The following NUCKS1 variants were observed in gnomAD, a reference collection of about 807,000 sequenced individuals.
NUCKS1 encodes nuclear ubiquitous casein and cyclin-dependent kinase substrate 1.
Under a neutral mutation model 33.0 loss-of-function variants are expected in NUCKS1, and 2 were observed. The observed-to-expected ratio is 0.06, with a 90% confidence interval of 0.02 to 0.19. The LOEUF is 0.19. NUCKS1 is among the 10% of genes least tolerant of loss of function. NUCKS1 has a pLI of 1.00. For synonymous variants in NUCKS1, 106 were observed against 102.8 expected, an observed-to-expected ratio of 1.03 and a Z score of -0.19; for missense variants, 201 against 293.6, an observed-to-expected ratio of 0.68 and a Z score of 2.31.
intron 1 of NUCKS1, among the ~76,000 whole-genome samples, chr1:205,736,396 G>A (rs1261487583): frequency 6.6e-6 from 1 of 152,114 alleles, no homozygotes; most frequent in African/African-American, 2.4e-5. Context: ...GTGGTGCTGA[G>A]AGTATTATAT....
At chr1:205,738,003 C>T (rs1296874456) in intron 1 of NUCKS1, among the ~76,000 whole-genome samples, 1 of 152,102 alleles carries the variant, frequency 6.6e-6, no homozygotes, top group African/African-American at 2.4e-5. Flanking sequence ...ACTTTACCTC[C>T]AAAATTATAT....
At position 205,732,566 on chromosome 1, in the gene NUCKS1, A is replaced by C. The variant is rs535816169; in HGVS notation, c.18-2945T>G. On this transcript the variant is annotated intron_variant, in intron 1 of 6. Transcript: ENST00000367142. ...GGGAGGCCAAGGTGGGCGGATCATGAGGTCAAAAGATCGAGACCATCCTGG... is the reference window on the plus strand; with the variant it reads ...GGGAGGCCAAGGTGGGCGGATCATGCGGTCAAAAGATCGAGACCATCCTGG... Among the ~76,000 whole-genome samples the C allele has an allele frequency of 2.0e-5, 3 of 152,196 alleles. No homozygotes were observed. The East Asian group carries it at 5.8e-4, about 29-fold the overall frequency.
At chr1:205,743,051 A>G (rs1050248548) in intron 1 of NUCKS1, among the ~76,000 whole-genome samples, 2 of 152,176 alleles carry the variant, frequency 1.3e-5, no homozygotes, top group African/African-American at 2.4e-5. Flanking sequence ...CAAAGTTTGC[A>G]AAGTAACCCA....
chr1:205,737,157 G>A (rs1377563380), intron 1 of NUCKS1, among the ~76,000 whole-genome samples: 5 of 152,084 alleles, frequency 3.3e-5, no homozygotes, highest in Admixed American at 3.3e-4. Flanking sequence ...TAAAAAGATG[G>A]GGAATGGGGA....
At chr1:205,733,920 A>C (rs1008169769) in intron 1 of NUCKS1, among the ~76,000 whole-genome samples, 1 of 152,186 alleles carries the variant, frequency 6.6e-6, no homozygotes, top group Non-Finnish European at 1.5e-5. Flanking sequence ...TCTGTCATCC[A>C]GGCTGGAGTG....
intron 1 of NUCKS1, among the ~76,000 whole-genome samples, chr1:205,740,022 A>G (rs2102445201): frequency 7.1e-5 from 2 of 28,120 alleles, no homozygotes; most frequent in Admixed American, 5.4e-4. Flanking sequence ...TTTTTTTGAG[A>G]GACAGTGTCT....
Position 205,720,504 on chromosome 1 carries a change from C to T in NUCKS1, c.379G>A (p.Glu127Lys). ...TACACAAAACAACTTCACATACTCT[C>T]CTGGAATGGTGCCTCATCCTCCTCT... ...QEEEDEAPFQ[E>K]KDSGSDEDFL... Residue 127 changes from glutamate to lysine, a missense_variant, in exon 5 of 7, where the codon GAG (glutamate) becomes AAG (lysine). Transcript: ENST00000367142. The T allele has an allele frequency of 1.2e-6, 2 of 1,613,320 alleles. No individual in the cohort carries two copies. Among genetic ancestry groups the T allele is most frequent in the East Asian group, 2.2e-5 (1 of 44,872 alleles).
chr1:205,713,772 A>C lies in NUCKS1; in HGVS notation c.*4508T>G, dbSNP rs1671780419. On this transcript the variant is annotated 3_prime_UTR_variant, in exon 7 of 7. Transcript: ENST00000367142. ...ATGTATCTAGCAACATTGCAGTATG[A>C]AGAAAAGAGATGCCCCGGTCTCAGC... 1 of 152,232 alleles carries C rather than the reference A, an allele frequency of 6.6e-6. No homozygotes were observed. Among genetic ancestry groups the C allele is most frequent in the Admixed American group, 6.5e-5 (1 of 15,280 alleles). The allele number at this position is 152,232 out of a possible 1,614,324, so 9.4% of individuals were successfully genotyped here. A position where few individuals can be genotyped will look rare whatever the true frequency, so the allele number is the denominator to read the frequency against.
At chr1:205,746,632 T>C (rs991771018) in intron 1 of NUCKS1, among the ~76,000 whole-genome samples, 2 of 152,166 alleles carry the variant, frequency 1.3e-5, no homozygotes, top group African/African-American at 2.4e-5. Flanking sequence ...TTGAAACCAA[T>C]TGTTTTGGGG....
At chr1:205,739,035 A>G (rs937017930) in intron 1 of NUCKS1, among the ~76,000 whole-genome samples, 4 of 152,358 alleles carry the variant, frequency 2.6e-5, no homozygotes, top group East Asian at 1.9e-4. Flanking sequence ...AGTAATAATT[A>G]TAACAGCAGT....
intron 1 of NUCKS1, among the ~76,000 whole-genome samples, chr1:205,743,750 CATT>C (rs1440885583): frequency 1.3e-5 from 2 of 152,172 alleles, no homozygotes; most frequent in Non-Finnish European, 2.9e-5. Context: ...TGTAACACAA[CATT>C]ATTAAAAAAC....
chr1:205,733,179 C>T (rs1009372167), intron 1 of NUCKS1, among the ~76,000 whole-genome samples: 12 of 152,074 alleles, frequency 7.9e-5, no homozygotes, highest in African/African-American at 1.2e-4. Context: ...TTTCTGGGTA[C>T]GACGTAGCAA....
intron 1 of NUCKS1, among the ~76,000 whole-genome samples, chr1:205,734,436 T>C (rs1244764655): frequency 6.6e-6 from 1 of 151,876 alleles, no homozygotes; most frequent in Admixed American, 6.6e-5. Context: ...ATAAAATCAG[T>C]GTAAAGCAAA....
In NUCKS1 at chr1:205,729,702, T is replaced by C; in HGVS notation, c.18-81A>G. ...CATCAGAACACACATTTCTCTTTCA[T>C]AAACAGAACTGAACTAGCACTTTGA... On this transcript the variant is annotated intron_variant, in intron 1 of 6. Coordinates refer to ENST00000367142, the MANE Select transcript of NUCKS1 (RefSeq NM_022731.5). The C allele has an allele frequency of 1.2e-5, 12 of 1,033,788 alleles. No homozygotes were observed. The South Asian group carries it at 1.5e-4, about 13-fold the overall frequency. The allele number at this position is 1,033,788 out of a possible 1,614,324, so 64.0% of individuals were successfully genotyped here. A position where few individuals can be genotyped will look rare whatever the true frequency, so the allele number is the denominator to read the frequency against.
chr1:205,724,034 A>T, intron 3 of NUCKS1, 53 bp from the exon 4 acceptor site: 9 of 1,233,508 alleles, frequency 7.3e-6, no homozygotes, highest in Non-Finnish European at 1.1e-5. Flanking sequence ...TCAAAATCTA[A>T]GTGAACATAG....
rs1462919985 is a variant in NUCKS1, at chr1:205,719,620, C to T, written c.439G>A (p.Gly147Ser). ...TTTTTGTTTTTCTTTTTCGAACTGC[C>T]ATAGTCACTATCGTCATCATCTTCC... ...LMEDDDDSDY[G>S]SSKKKNKKMV... The change falls in exon 6 of 7, where the codon GGC (glycine) becomes AGC (serine). Residue 147 changes from glycine (G) to serine (S), a missense_variant. Gly to Ser is a moderately conservative substitution (Grantham distance 56). Transcript: ENST00000367142. 1.2e-6 allele frequency: 2 copies of T among 1,613,524 alleles called. No homozygotes were observed. Among genetic ancestry groups the T allele is most frequent in the African/African-American group, 2.7e-5 (2 of 74,874 alleles).
chr1:205,722,694 A>T (rs1193336822), intron 4 of NUCKS1, among the ~76,000 whole-genome samples: 1 of 152,196 alleles, frequency 6.6e-6, no homozygotes, highest in Admixed American at 6.5e-5. Context: ...TGCTCAGCCT[A>T]AAAAAAATTT....
intron 1 of NUCKS1, among the ~76,000 whole-genome samples, chr1:205,741,884 G>A (rs1036614525): frequency 1.3e-5 from 2 of 152,164 alleles, no homozygotes; most frequent in East Asian, 3.8e-4. Context: ...AGTTCTCTGT[G>A]TCAAAATGAC....
Position 205,713,083 on chromosome 1 carries a change from A to G in NUCKS1, c.*5197T>C, listed in dbSNP as rs1671771274. 1 of 152,224 alleles carries G rather than the reference A, an allele frequency of 6.6e-6. No homozygotes were observed. Among genetic ancestry groups the G allele is most frequent in the African/African-American group, 2.4e-5 (1 of 41,464 alleles). 9.4% of individuals were successfully genotyped at this position (152,224 alleles called of 1,614,324 possible). ...TGTTAAAGTTTCTAAATAATTTATT[A>G]GGGAAATAAGTTCCCACAAAGTCAG... On this transcript the variant is annotated 3_prime_UTR_variant, in exon 7 of 7. Transcript: ENST00000367142.
Sources: allele counts gnomAD v4.1 joint callset (sites outside exome capture counted in the v4.1 genomes callset), GRCh38; gene constraint gnomAD v4.1.1; transcripts MANE v1.5; gene names NCBI Gene and HGNC (gene_info 2026-07-23, HGNC 2026-07-21).